SNAPC3: variants seen among roughly 807,000 people sequenced by gnomAD.
The protein encoded by SNAPC3 is small nuclear RNA activating complex polypeptide 3, also known as snRNA-activating protein complex subunit 3.
In SNAPC3, 56 loss-of-function variants were observed where a neutral mutation model predicts 47.7. The ratio of observed to expected loss-of-function variants is 1.18; its 90% confidence interval spans 0.95 to 1.47. The LOEUF is 1.47. Ranked by LOEUF, SNAPC3 falls within the 40% of genes most tolerant of loss-of-function variation. SNAPC3 has a pLI of 0.00. For missense variants in SNAPC3, 665 were observed against 511.3 expected (o/e 1.30, Z -2.90); for synonymous variants, 235 against 189.9 (o/e 1.24, Z -1.95).
chr9:15,462,390 C>T (rs2035280657), downstream of SNAPC3: 1 of 152,132 alleles, frequency 6.6e-6, no homozygotes, highest in Admixed American at 6.6e-5. Flanking sequence ...TACAGGTATC[C>T]CACCAAGTTC....
downstream of SNAPC3, among the ~76,000 whole-genome samples, chr9:15,466,199 GA>G (rs1185558668): frequency 1.3e-5 from 2 of 152,222 alleles, no homozygotes; most frequent in South Asian, 2.1e-4. Flanking sequence ...CCAACATGGT[GA>G]AACCTCATCT....
rs1294525300 is a variant in SNAPC3 at position 15,460,205 on chromosome 9, G to C, written c.*339G>C. On this transcript the variant is annotated 3_prime_UTR_variant, in exon 9 of 9. Coordinates refer to ENST00000380821, the MANE Select transcript of SNAPC3 (RefSeq NM_001039697.2). ...GCCTTCCCTATTCATTCTCTGTCCA[G>C]AGTTTTTTGCTAAAGATAGAATTAT... 1 of 164,280 alleles carries C rather than the reference G, an allele frequency of 6.1e-6. No homozygotes were observed. Among genetic ancestry groups the C allele is most frequent in the East Asian group, 1.7e-4 (1 of 5,910 alleles). 10.2% of individuals were successfully genotyped at this position (164,280 alleles called of 1,614,324 possible). A position where few individuals can be genotyped will look rare whatever the true frequency, so the allele number is the denominator to read the frequency against.
At chr9:15,428,182 G>C (rs1407382223) in intron 2 of SNAPC3, among the ~76,000 whole-genome samples, 1 of 146,260 alleles carries the variant, frequency 6.8e-6, no homozygotes, top group Non-Finnish European at 1.5e-5. Flanking sequence ...TGACAGAAAA[G>C]AGCACCATCA....
chr9:15,426,064 T>TCAGGCTCCATGTTGGC (rs1411918316), intron 2 of SNAPC3, among the ~76,000 whole-genome samples: 1 of 152,114 alleles, frequency 6.6e-6, no homozygotes, highest in East Asian at 1.9e-4. Context: ...TCCATGTTGG[T>TCAGGCTCCATGTTGGC]CAGGCTCCAT....
At chr9:15,438,154 C>G (rs2033001720) in intron 3 of SNAPC3, among the ~76,000 whole-genome samples, 1 of 152,074 alleles carries the variant, frequency 6.6e-6, no homozygotes, top group African/African-American at 2.4e-5. Context: ...ATTCAACCTC[C>G]TTACTTGTTA....
At chr9:15,463,693 C>T (rs2035402873), downstream of SNAPC3, 1 of 138,248 alleles carries the variant, frequency 7.2e-6, no homozygotes, top group Admixed American at 6.7e-5. Flanking sequence ...CCTATGACAC[C>T]ATTTCTTGAG....
chr9:15,452,970 T>A, intron 6 of SNAPC3, 71 bp from the exon 7 acceptor site: 1 of 1,315,878 alleles, frequency 7.6e-7, no homozygotes, highest in Non-Finnish European at 1.1e-6. Context: ...ATTACTGCAA[T>A]CACAAACTGT....
downstream of SNAPC3, chr9:15,465,177 T>C: frequency 4.0e-6 from 1 of 249,742 alleles, no homozygotes; most frequent in Non-Finnish European, 7.7e-6. Flanking sequence ...AGGCAAGGTT[T>C]ATACAAGTAG....
intron 3 of SNAPC3, among the ~76,000 whole-genome samples, chr9:15,436,390 C>A (rs545828543): frequency 6.6e-6 from 1 of 152,110 alleles, no homozygotes; most frequent in Non-Finnish European, 1.5e-5. Flanking sequence ...TGATTTCATT[C>A]TTTTGCATAT....
At chr9:15,430,033 T>A (rs1404439033) in intron 2 of SNAPC3, among the ~76,000 whole-genome samples, 1 of 152,214 alleles carries the variant, frequency 6.6e-6, no homozygotes, top group Non-Finnish European at 1.5e-5. Context: ...GAGGTACGTA[T>A]ACATAAAATT....
chr9:15,439,584 G>C (rs2033137033), intron 3 of SNAPC3, among the ~76,000 whole-genome samples: 1 of 152,094 alleles, frequency 6.6e-6, no homozygotes, highest in Non-Finnish European at 1.5e-5. Flanking sequence ...ACCCAGGCTG[G>C]AGTGCAGTGG....
chr9:15,453,090 C>G lies in SNAPC3; in HGVS notation c.865C>G (p.Gln289Glu), dbSNP rs369622830. ...ESHDRGYGKF[Q>E]TARMEDFTFN... ...CCATGATAGAGGCTATGGAAAGTTT[C>G]AGACTGCTAGAATGGAAGATTTCAC... Residue 289 changes from glutamine to glutamate, a missense_variant, in exon 7 of 9, where the codon CAG becomes GAG. Coordinates refer to ENST00000380821, the MANE Select transcript of SNAPC3 (RefSeq NM_001039697.2). The G allele has an allele frequency of 1.5e-5, 25 of 1,613,436 alleles. No individual in the cohort carries two copies. In the African/African-American group the frequency reaches 2.7e-4, roughly 17 times the overall value.
At chr9:15,454,018 T>C (rs1368697805) in intron 7 of SNAPC3, among the ~76,000 whole-genome samples, 1 of 152,092 alleles carries the variant, frequency 6.6e-6, no homozygotes, top group African/African-American at 2.4e-5. Flanking sequence ...GTGGGCAAAT[T>C]GAGCCCAGGA....
chr9:15,465,359 G>A (rs532612074), downstream of SNAPC3: 26 of 610,956 alleles, frequency 4.3e-5, no homozygotes, highest in East Asian at 2.0e-4. Context: ...TACACTTAGC[G>A]ATAATGTTTA....
At chr9:15,452,739 CATT>C (rs1405171513) in intron 6 of SNAPC3, among the ~76,000 whole-genome samples, 2 of 152,182 alleles carry the variant, frequency 1.3e-5, no homozygotes, top group African/African-American at 4.8e-5. Flanking sequence ...ATATTAATCT[CATT>C]ACATACTAAC....
intron 8 of SNAPC3, among the ~76,000 whole-genome samples, 195 bp downstream of exon 8, chr9:15,458,262 T>A (rs368033408): frequency 7.5e-4 from 114 of 152,288 alleles, no homozygotes; most frequent in African/African-American, 2.7e-3. Flanking sequence ...ATATTATATG[T>A]ACACAAGTCC....
At chr9:15,431,983 A>G (rs1032779469) in intron 2 of SNAPC3, 1 of 150,956 alleles carries the variant, frequency 6.6e-6, no homozygotes, top group African/African-American at 2.5e-5. Context: ...CGATTTTTAA[A>G]TAATAAAATG....
At chr9:15,426,244 C>G (rs992657722) in intron 2 of SNAPC3, among the ~76,000 whole-genome samples, 6 of 151,788 alleles carry the variant, frequency 4.0e-5, no homozygotes, top group Non-Finnish European at 8.8e-5. Context: ...TCTCTCACTC[C>G]AGGCCTTTGC....
intron 3 of SNAPC3, among the ~76,000 whole-genome samples, chr9:15,435,513 C>T (rs1293361520): frequency 6.6e-6 from 1 of 152,008 alleles, no homozygotes; most frequent in African/African-American, 2.4e-5. Flanking sequence ...GTGGAGGTTG[C>T]TGTGAGCCAG....
Sources: gnomAD v4.1 joint callset for allele counts (sites outside exome capture counted in the v4.1 genomes callset) on GRCh38, gnomAD v4.1.1 for gene constraint, MANE v1.5 for transcripts, NCBI Gene and HGNC (gene_info 2026-07-23, HGNC 2026-07-21) for gene names.